Variants in MEST observed in about 807,000 individuals in gnomAD.
The protein encoded by MEST is mesoderm-specific transcript homolog protein.
A neutral mutation model predicts 50.9 loss-of-function variants in MEST; 18 were observed. The observed-to-expected ratio is 0.35, with a 90% CI of 0.24 to 0.52. MEST has a LOEUF of 0.52. Ranked by LOEUF, MEST falls within the 20% of genes least tolerant of loss-of-function variation. MEST has a pLI of 0.94. For synonymous variants in MEST, 130 were observed against 154.1 expected (o/e 0.84, Z 1.16); for missense variants, 282 against 425.3 (o/e 0.66, Z 2.96).
rs1554438108 is a variant in MEST at position 130,499,873 on chromosome 7, A to G, written c.536-2A>G. On this transcript the variant is annotated splice_acceptor_variant, in intron 6 of 11. Coordinates refer to ENST00000223215, the MANE Select transcript of MEST (RefSeq NM_002402.4). LOFTEE classifies it high-confidence loss of function. ...AATGACTAAGATAAGTCTCTTCTAC[A>G]GGTATCTTTCCTGAGACTCACCGTC... 1.2e-6 allele frequency: 2 copies of G among 1,608,974 alleles called. No individual in the cohort carries two copies.
chr7:130,486,372 T>C (rs1015156814), exon 1 of MEST: 9 of 152,244 alleles, frequency 5.9e-5, no homozygotes, highest in East Asian at 1.9e-4. Flanking sequence ...TGGAGTCCTG[T>C]AGGCAAGGTC....
Position 130,492,294 on chromosome 7 carries a change from C to A in MEST, c.-20C>A. 1 of 1,346,296 alleles carries A rather than the reference C, an allele frequency of 7.4e-7. No individual in the cohort carries two copies. Among genetic ancestry groups the A allele is most frequent in the Non-Finnish European group, 9.5e-7 (1 of 1,049,580 alleles). 83.4% of individuals were successfully genotyped at this position (1,346,296 alleles called of 1,614,324 possible). A position where few individuals can be genotyped will look rare whatever the true frequency, so the allele number is the denominator to read the frequency against. On this transcript the variant is annotated 5_prime_UTR_variant, in exon 1 of 12. Transcript: ENST00000223215. The surrounding 1 kb of genome is among the most constrained non-coding windows in gnomAD (Gnocchi z 7.6). ...CGGTGCTCTGCAACGCTGCGGCGGG[C>A]GGCATGGGATAACGCGGCCATGGTG...
chr7:130,495,175 T>C (rs1584942093), intron 1 of MEST, among the ~76,000 whole-genome samples, 193 bp from the exon 2 acceptor site: 1 of 152,102 alleles, frequency 6.6e-6, no homozygotes, highest in Admixed American at 6.5e-5. Flanking sequence ...ATTAGAATGA[T>C]GAACAAATAT....
At position 130,492,746 on chromosome 7, in the gene MEST, G is replaced by A. The variant is rs188463440; in HGVS notation, c.26+407G>A. Among the ~76,000 whole-genome samples the A allele has an allele frequency of 6.6e-4, 101 of 152,188 alleles. No individual in the cohort carries two copies. The highest frequency in any genetic ancestry group is 1.3e-3 in the Non-Finnish European group (87 of 67,992). ...CAGTCATTGCTGCAGCATGATTTAG[G>A]ATTTCTAACCCCCAGCATCGCCCTG... On this transcript the variant is annotated intron_variant, in intron 1 of 11. Coordinates refer to ENST00000223215, the MANE Select transcript of MEST (RefSeq NM_002402.4). This position sits in a 1 kb window ranked among gnomAD's most constrained non-coding sequence, Gnocchi z 7.6.
upstream of MEST, chr7:130,489,647 T>A (rs1054291719): frequency 6.6e-6 from 1 of 152,234 alleles, no homozygotes; most frequent in East Asian, 1.9e-4. Flanking sequence ...ATATGCTTTC[T>A]CTGCCTAAGA....
chr7:130,500,652 A>G lies in MEST; in HGVS notation c.647+120A>G. On this transcript the variant is annotated intron_variant, in intron 8 of 11. Transcript: ENST00000223215. This position sits in a 1 kb window ranked among gnomAD's most constrained non-coding sequence, Gnocchi z 5.0. ...AAAGCAAAGGTGTTGGCCGCTTGCC[A>G]GGGAAGTAGAAGGAATTCATAAATC... 1 of 1,248,542 alleles carries G rather than the reference A, an allele frequency of 8.0e-7. No homozygotes were observed. Among genetic ancestry groups the G allele is most frequent in the Non-Finnish European group, 1.1e-6 (1 of 885,242 alleles). 77.3% of individuals were successfully genotyped at this position (1,248,542 alleles called of 1,614,324 possible). A position where few individuals can be genotyped will look rare whatever the true frequency, so the allele number is the denominator to read the frequency against.
rs375680311 is a variant in MEST at position 130,497,921 on chromosome 7, G to A, written c.262-15G>A. ...GCAGGAGCAGAAAGCCCAAATCATC[G>A]TTTCTTTCTTGTAGATTTGGGAAGG... On this transcript the variant is annotated splice_polypyrimidine_tract_variant and intron_variant, in intron 3 of 11. Coordinates refer to ENST00000223215, the MANE Select transcript of MEST (RefSeq NM_002402.4). This position sits in a 1 kb window ranked among gnomAD's most constrained non-coding sequence, Gnocchi z 4.0. The A allele has an allele frequency of 1.9e-6, 3 of 1,613,428 alleles. No homozygotes were observed. The highest frequency in any genetic ancestry group is 1.3e-5 in the African/African-American group (1 of 74,924).
intron 11 of MEST, among the ~76,000 whole-genome samples, chr7:130,504,653 C>G (rs1799408936): frequency 6.6e-6 from 1 of 152,210 alleles, no homozygotes; most frequent in Non-Finnish European, 1.5e-5. Flanking sequence ...ATGCTTCATC[C>G]TTCTCTAAGG....
intron 11 of MEST, among the ~76,000 whole-genome samples, chr7:130,504,275 A>C (rs1799390354): frequency 6.6e-6 from 1 of 152,230 alleles, no homozygotes; most frequent in African/African-American, 2.4e-5. Context: ...CATGTGAGTC[A>C]AAGGTTGAAA....
chr7:130,490,720 C>T (rs905384145), upstream of MEST: 3 of 152,182 alleles, frequency 2.0e-5, no homozygotes, highest in Admixed American at 6.5e-5. Flanking sequence ...GTGTTGTTTT[C>T]GGGCCGGGGC....
At chr7:130,499,850 T>A in intron 6 of MEST, 25 bp from the exon 7 acceptor site, 1 of 1,584,266 alleles carries the variant, frequency 6.3e-7, no homozygotes, top group Non-Finnish European at 8.6e-7. Flanking sequence ...TGTAGGTAAA[T>A]GACTAAGATA....
intron 2 of MEST, 170 bp from the exon 3 acceptor site, chr7:130,496,986 C>T (rs554305852): frequency 4.1e-6 from 2 of 487,276 alleles, no homozygotes; most frequent in African/African-American, 4.0e-5. Context: ...GAGAAAAGGC[C>T]TGTTCTCACC....
chr7:130,504,976 GACC>G lies in MEST; in HGVS notation c.931_933del (p.His311del). 6.2e-7 allele frequency: 1 copy of G among 1,613,804 alleles called. No homozygotes were observed. Among genetic ancestry groups the G allele is most frequent in the Non-Finnish European group, 8.5e-7 (1 of 1,179,790 alleles). ...GCGGTCCACAGTGTCGATTCTGGAT[GACC>G]ACATTAGCCACTATCCACAGCTAGA... is the stretch of plus-strand genomic sequence containing the variant. On this transcript the variant is annotated inframe_deletion, in exon 12 of 12. Coordinates refer to ENST00000223215, the MANE Select transcript of MEST (RefSeq NM_002402.4).
At chr7:130,495,639 T>C in intron 2 of MEST, 117 bp downstream of exon 2, 3 of 1,098,106 alleles carry the variant, frequency 2.7e-6, no homozygotes, top group Non-Finnish European at 3.8e-6. Flanking sequence ...AGAGTATCTC[T>C]CTCTCTTTCT....
chr7:130,486,784 C>T (rs1378543307), intron 1 of MEST: 1 of 152,362 alleles, frequency 6.6e-6, no homozygotes, highest in Non-Finnish European at 1.5e-5. Flanking sequence ...GACTCGATTT[C>T]TTGGGAGGCT....
At position 130,500,120 on chromosome 7, in the gene MEST, G is replaced by T; in HGVS notation, c.576+205G>T. On this transcript the variant is annotated intron_variant, in intron 7 of 11. Coordinates refer to ENST00000223215, the MANE Select transcript of MEST (RefSeq NM_002402.4). The surrounding 1 kb of genome is among the most constrained non-coding windows in gnomAD (Gnocchi z 5.0). The stretch of plus-strand genomic sequence containing the variant: ...TACGTAAACCCAAAACCAATCCTAA[G>T]AATAAGAGATCAACAAATATTTGGA... 1.8e-6 allele frequency: 1 copy of T among 553,470 alleles called. No homozygotes were observed. The highest frequency in any genetic ancestry group is 3.2e-6 in the Non-Finnish European group (1 of 317,156). The allele number at this position is 553,470 out of a possible 1,614,324, so 34.3% of individuals were successfully genotyped here. A position where few individuals can be genotyped will look rare whatever the true frequency, so the allele number is the denominator to read the frequency against.
rs1209738845 is a variant in MEST at position 130,500,972 on chromosome 7, T to C, written c.749+82T>C. Reference sequence around the variant, plus strand: ...ATTGCTTGTTCTGTTCCTTGCTGGCTTATTCCCTATCACAGGAAGGCTGAT... The same window carrying C: ...ATTGCTTGTTCTGTTCCTTGCTGGCCTATTCCCTATCACAGGAAGGCTGAT... On this transcript the variant is annotated intron_variant, in intron 9 of 11. Transcript: ENST00000223215. The surrounding 1 kb of genome is among the most constrained non-coding windows in gnomAD (Gnocchi z 5.0). The C allele has an allele frequency of 1.5e-5, 18 of 1,206,078 alleles. No individual in the cohort carries two copies. Among genetic ancestry groups the C allele is most frequent in the Admixed American group, 8.5e-5 (4 of 47,330 alleles). The allele number at this position is 1,206,078 out of a possible 1,614,324, so 74.7% of individuals were successfully genotyped here.
intron 2 of MEST, chr7:130,495,959 T>C (rs1256805483): frequency 5.5e-6 from 2 of 361,426 alleles, no homozygotes; most frequent in East Asian, 1.8e-4. Context: ...TGATGATTAT[T>C]ATGACCACTA....
upstream of MEST, among the ~76,000 whole-genome samples, chr7:130,490,305 A>T (rs1002675403): frequency 3.3e-5 from 5 of 152,092 alleles, no homozygotes; most frequent in African/African-American, 4.8e-5. Context: ...TGCTATCCTA[A>T]TTTTTTGCCG....
Sources: allele counts gnomAD v4.1 joint callset (sites outside exome capture counted in the v4.1 genomes callset), GRCh38; gene constraint gnomAD v4.1.1; non-coding constraint Gnocchi (gnomAD v3.1); transcripts MANE v1.5; gene names NCBI Gene and HGNC (gene_info 2026-07-23, HGNC 2026-07-21).